Variants in KCNQ5 observed in about 807,000 individuals in gnomAD.
KCNQ5 encodes potassium voltage-gated channel subfamily Q member 5.
Under a neutral mutation model 98.2 loss-of-function variants are expected in KCNQ5, and 30 were observed. The ratio of observed to expected loss-of-function variants is 0.31; its 90% CI spans 0.23 to 0.41. KCNQ5 has a LOEUF of 0.41. Among genes scored for constraint, KCNQ5 ranks in the 10% least tolerant of loss-of-function variants. The pLI is 1.00. For missense variants in KCNQ5, 835 were observed against 1,182.5 expected (o/e 0.71, Z 4.31); for synonymous variants, 458 against 449.4 (o/e 1.02, Z -0.24).
intron 10 of KCNQ5, among the ~76,000 whole-genome samples, chr6:73,165,999 G>C (rs952436467): frequency 3.3e-5 from 5 of 152,070 alleles, no homozygotes; most frequent in African/African-American, 1.2e-4. Flanking sequence ...TCAGAGGTGA[G>C]GCTCAGGGTC....
intron 10 of KCNQ5, among the ~76,000 whole-genome samples, chr6:73,164,485 G>A (rs982575217): frequency 7.9e-5 from 12 of 152,110 alleles, no homozygotes; most frequent in East Asian, 5.8e-4. Context: ...ATTGATGACC[G>A]ACTCTCATCC....
intron 1 of KCNQ5, among the ~76,000 whole-genome samples, chr6:72,785,813 G>A (rs982674591): frequency 2.0e-5 from 3 of 152,224 alleles, no homozygotes; most frequent in Admixed American, 6.5e-5. Flanking sequence ...CTTGCTTGGA[G>A]TCTATTGTAC....
chr6:72,888,133 T>C (rs1353305789), intron 1 of KCNQ5, among the ~76,000 whole-genome samples: 1 of 152,008 alleles, frequency 6.6e-6, no homozygotes, highest in Non-Finnish European at 1.5e-5. Context: ...ATACATAAAG[T>C]AAAACGTTAA....
At chr6:72,809,488 G>T (rs1765277161) in intron 1 of KCNQ5, among the ~76,000 whole-genome samples, 1 of 151,904 alleles carries the variant, frequency 6.6e-6, no homozygotes, top group Non-Finnish European at 1.5e-5. Flanking sequence ...GGAGGTGGAG[G>T]TTGCAGTGAG....
intron 1 of KCNQ5, among the ~76,000 whole-genome samples, chr6:72,679,470 A>G (rs937977463): frequency 1.3e-5 from 2 of 151,324 alleles, no homozygotes; most frequent in African/African-American, 4.9e-5. Context: ...AAGTATCGCA[A>G]GAACAAAAAA....
chr6:73,024,381 T>TGATAGATAGATAGACAGATAGATA (rs1554198959), intron 2 of KCNQ5, among the ~76,000 whole-genome samples: 54 of 120,654 alleles, frequency 4.5e-4, no homozygotes, highest in African/African-American at 1.7e-3. Flanking sequence ...GATAGATAGA[T>TGATAGATAGATAGACAGATAGATA]GATAGATAGA....
intron 10 of KCNQ5, among the ~76,000 whole-genome samples, chr6:73,149,535 C>G (rs542093162): frequency 6.6e-6 from 1 of 152,278 alleles, no homozygotes; most frequent in Non-Finnish European, 1.5e-5. Flanking sequence ...TGGTGGCTCA[C>G]GCCTGTAATC....
At position 73,195,704 on chromosome 6, in the gene KCNQ5, G is replaced by A. The variant is rs1379722334; in HGVS notation, c.*290G>A. 6.4e-6 allele frequency: 2 copies of A among 314,438 alleles called. No homozygotes were observed. The highest frequency in any genetic ancestry group is 1.2e-5 in the Non-Finnish European group (2 of 168,716). The allele number at this position is 314,438 out of a possible 1,614,324, so 19.5% of individuals were successfully genotyped here. Reference sequence around the variant, plus strand: ...GGGTGTATGAATATGTCAAGTTTAGGTCATTTAGAAGATTTGACACTGTAT... The same window carrying A: ...GGGTGTATGAATATGTCAAGTTTAGATCATTTAGAAGATTTGACACTGTAT... On this transcript the variant is annotated 3_prime_UTR_variant, in exon 14 of 14. Coordinates refer to ENST00000370398, the MANE Select transcript of KCNQ5 (RefSeq NM_019842.4).
chr6:72,686,647 T>C (rs1163971957), intron 1 of KCNQ5, among the ~76,000 whole-genome samples: 1 of 151,960 alleles, frequency 6.6e-6, no homozygotes, highest in Non-Finnish European at 1.5e-5. Flanking sequence ...ATTTGTCTTC[T>C]ATTGCATCTG....
intron 1 of KCNQ5, among the ~76,000 whole-genome samples, chr6:72,893,089 T>G (rs1290960795): frequency 6.6e-6 from 1 of 152,044 alleles, no homozygotes; most frequent in Non-Finnish European, 1.5e-5. Context: ...AAATAAAAAT[T>G]ATAAAACAGC....
intron 1 of KCNQ5, among the ~76,000 whole-genome samples, chr6:72,920,357 T>G (rs1780339024): frequency 1.3e-5 from 2 of 152,330 alleles, no homozygotes; most frequent in African/African-American, 4.8e-5. Context: ...ATCTGTGTTA[T>G]AAGATGTACC....
intron 2 of KCNQ5, among the ~76,000 whole-genome samples, chr6:73,010,850 A>G (rs2150329737): frequency 6.6e-6 from 1 of 152,184 alleles, no homozygotes; most frequent in Non-Finnish European, 1.5e-5. Flanking sequence ...GAAAACTACA[A>G]TAACATTGCT....
chr6:73,157,048 G>A (rs1362680681), intron 10 of KCNQ5, among the ~76,000 whole-genome samples: 1 of 152,226 alleles, frequency 6.6e-6, no homozygotes, highest in Non-Finnish European at 1.5e-5. Context: ...AGGCCAGGCA[G>A]GATGAACCAC....
At chr6:73,075,605 G>T (rs1471670244) in intron 3 of KCNQ5, among the ~76,000 whole-genome samples, 1 of 152,056 alleles carries the variant, frequency 6.6e-6, no homozygotes, top group Non-Finnish European at 1.5e-5. Flanking sequence ...TTTGCAACTG[G>T]CCTTTATTCA....
At chr6:72,794,499 A>G (rs1335167304) in intron 1 of KCNQ5, among the ~76,000 whole-genome samples, 2 of 152,186 alleles carry the variant, frequency 1.3e-5, no homozygotes, top group Non-Finnish European at 1.5e-5. Flanking sequence ...GTGTTGGCTA[A>G]TTGTCATTTT....
chr6:72,955,920 TCAAAA>T (rs550603727), intron 1 of KCNQ5, among the ~76,000 whole-genome samples: 133 of 151,926 alleles, frequency 8.8e-4, no homozygotes, highest in Non-Finnish European at 1.2e-3. Context: ...AGACTCCATC[TCAAAA>T]CAAAACAAAA....
chr6:72,779,081 T>C (rs1773315064), intron 1 of KCNQ5, among the ~76,000 whole-genome samples: 1 of 152,108 alleles, frequency 6.6e-6, no homozygotes, highest in African/African-American at 2.4e-5. Flanking sequence ...TGGATGAAAT[T>C]GGAAGGAGAA....
chr6:72,756,502 T>C (rs973066449), intron 1 of KCNQ5, among the ~76,000 whole-genome samples: 1 of 152,322 alleles, frequency 6.6e-6, no homozygotes, highest in East Asian at 1.9e-4. Flanking sequence ...TAATTGTTAA[T>C]TAGTTGGAAG....
chr6:72,941,587 C>T (rs1163466974), intron 1 of KCNQ5, among the ~76,000 whole-genome samples: 3 of 147,712 alleles, frequency 2.0e-5, no homozygotes, highest in Admixed American at 1.3e-4. Flanking sequence ...CCCTCCCTCC[C>T]TTCCTTCCTC....
Sources: gnomAD v4.1 joint callset for allele counts (sites outside exome capture counted in the v4.1 genomes callset) on GRCh38, gnomAD v4.1.1 for gene constraint, MANE v1.5 for transcripts, NCBI Gene and HGNC (gene_info 2026-07-23, HGNC 2026-07-21) for gene names.